Variants in PTGDS observed in about 807,000 individuals in gnomAD.
The protein encoded by PTGDS is prostaglandin-H2 D-isomerase.
PTGDS carries 21 observed loss-of-function variants against 28.4 expected under a neutral mutation model. The observed-to-expected ratio is 0.74, with a 90% CI of 0.52 to 1.07. PTGDS has a LOEUF of 1.07. Among genes scored for constraint, PTGDS ranks in the 50% least tolerant of loss-of-function variants. The pLI is 0.00. For missense variants in PTGDS, 243 were observed against 247.7 expected, an observed-to-expected ratio of 0.98 and a Z score of 0.13; for synonymous variants, 102 against 106.0, an observed-to-expected ratio of 0.96 and a Z score of 0.23.
At position 136,979,371 on chromosome 9, in the gene PTGDS, C is replaced by T. The variant is rs539968311; in HGVS notation, c.331+72C>T. The T allele has an allele frequency of 1.1e-5, 18 of 1,579,724 alleles. No homozygotes were observed. The African/African-American group carries it at 1.9e-4, about 17-fold the overall frequency. ...ACTTGCCGGGACGACTCTGGGCCAG[C>T]CCCCTGCCGCGGAGATCCATGGGGT... On this transcript the variant is annotated intron_variant, in intron 3 of 6. Transcript: ENST00000371625.
intron 1 of PTGDS, 172 bp from the exon 2 acceptor site, chr9:136,978,821 C>G (rs981098264): frequency 1.7e-6 from 1 of 586,208 alleles, no homozygotes; most frequent in Non-Finnish European, 2.3e-6. Flanking sequence ...GATTGAGGGG[C>G]GGGGGTCAGT....
intron 1 of PTGDS, among the ~76,000 whole-genome samples, chr9:136,978,088 G>A (rs1476745024): frequency 6.6e-6 from 1 of 152,174 alleles, no homozygotes; most frequent in Non-Finnish European, 1.5e-5. Context: ...TGGGGGTTGG[G>A]AGGGACGCGC....
intron 5 of PTGDS, chr9:136,980,592 C>A (rs1830436760): frequency 2.2e-5 from 31 of 1,417,998 alleles, no homozygotes; most frequent in Non-Finnish European, 2.9e-5. Context: ...TACAGGGGAA[C>A]CAACCATACT....
intron 4 of PTGDS, 45 bp from the exon 5 acceptor site, chr9:136,980,138 A>C (rs371143827): frequency 1.1e-4 from 182 of 1,609,722 alleles, no homozygotes; most frequent in Admixed American, 2.0e-4. Context: ...CAGGGCACAC[A>C]GCATCCCCCC....
At chr9:136,980,148 C>T (rs199978374) in intron 4 of PTGDS, 35 bp from the exon 5 acceptor site, 14 of 1,611,360 alleles carry the variant, frequency 8.7e-6, no homozygotes, top group Non-Finnish European at 1.2e-5. Flanking sequence ...AGCATCCCCC[C>T]CGCTGAGGCC....
In PTGDS at chr9:136,981,562, T is replaced by A. The variant is rs1394818725; in HGVS notation, c.*1-17T>A. ...GACTGCAGTCCTCCATCCTAGCCTT[T>A]CGGTCACACCCCTCAGGACTCCCCA... On this transcript the variant is annotated splice_polypyrimidine_tract_variant and intron_variant, in intron 6 of 6. Transcript: ENST00000371625. 6.6e-6 allele frequency: 1 copy of A among 152,362 alleles called. No individual in the cohort carries two copies. Among genetic ancestry groups the A allele is most frequent in the East Asian group, 1.9e-4 (1 of 5,200 alleles). 9.4% of individuals were successfully genotyped at this position (152,362 alleles called of 1,614,324 possible). A position where few individuals can be genotyped will look rare whatever the true frequency, so the allele number is the denominator to read the frequency against.
intron 1 of PTGDS, among the ~76,000 whole-genome samples, chr9:136,978,466 G>T (rs946477894): frequency 2.8e-5 from 4 of 145,156 alleles, no homozygotes; most frequent in East Asian, 2.1e-4. Context: ...GCCATCTCCG[G>T]GGGAGGGGGA....
intron 1 of PTGDS, 69 bp from the exon 2 acceptor site, chr9:136,978,924 G>A: frequency 6.3e-7 from 1 of 1,575,360 alleles, no homozygotes; most frequent in Non-Finnish European, 8.6e-7. Flanking sequence ...CGGCAGAGGC[G>A]CCCCCGCAGG....
Position 136,980,217 on chromosome 9 carries a change from G to A in PTGDS, c.483G>A (p.Glu161=). Residue 161 remains glutamate, a synonymous_variant, in exon 5 of 7, where the codon GAG becomes GAA. Transcript: ENST00000371625. The stretch of plus-strand genomic sequence containing the variant: ...AGACCCCCAGGGCTGAGTTAAAGGA[G>A]AAATTCACCGCCTTCTGCAAGGCCC... ...RTQTPRAELK[E]KFTAFCKAQG... The A allele has an allele frequency of 6.2e-7, 1 of 1,614,084 alleles. No individual in the cohort carries two copies. The highest frequency in any genetic ancestry group is 8.5e-7 in the Non-Finnish European group (1 of 1,180,008).
At chr9:136,978,676 G>T in intron 1 of PTGDS, 2 of 330,004 alleles carry the variant, frequency 6.1e-6, no homozygotes, top group Non-Finnish European at 1.2e-5. Context: ...CTCTTGGGGC[G>T]GGGTCGTGAG....
chr9:136,980,997 C>T (rs1000092726), intron 6 of PTGDS, 142 bp downstream of exon 6: 1 of 1,266,970 alleles, frequency 7.9e-7, no homozygotes, highest in Non-Finnish European at 1.1e-6. Context: ...TGGCTGCAGT[C>T]CAGGGCCGGG....
At position 136,980,198 on chromosome 9, in the gene PTGDS, C is replaced by G. The variant is rs374596572; in HGVS notation, c.464C>G (p.Pro155Arg). 1.2e-6 allele frequency: 2 copies of G among 1,613,976 alleles called. No individual in the cohort carries two copies. The highest frequency in any genetic ancestry group is 1.7e-6 in the Non-Finnish European group (2 of 1,179,992). The change falls in exon 5 of 7, where the codon CCC becomes CGC. Residue 155 changes from proline to arginine, a missense_variant. By Grantham distance (103) the Pro-to-Arg change is moderately radical (BLOSUM62 -2). Transcript: ENST00000371625. ...MATLYSRTQT[P>R]RAELKEKFTA... ...CCTGTCCCAGGCCGAACCCAGACCC[C>G]CAGGGCTGAGTTAAAGGAGAAATTC...
At chr9:136,980,132 G>T (rs1262307750) in intron 4 of PTGDS, 51 bp from the exon 5 acceptor site, 1 of 1,608,636 alleles carries the variant, frequency 6.2e-7, no homozygotes, top group South Asian at 1.1e-5. Flanking sequence ...CCAGGGCAGG[G>T]CACACAGCAT....
intron 1 of PTGDS, 177 bp from the exon 2 acceptor site, chr9:136,978,816 A>AG: frequency 1.9e-6 from 1 of 516,632 alleles, no homozygotes; most frequent in East Asian, 4.4e-5. Flanking sequence ...GCGGGGATTG[A>AG]GGGGCGGGGG....
intron 3 of PTGDS, chr9:136,979,617 C>T (rs1184933081): frequency 4.3e-6 from 3 of 695,132 alleles, no homozygotes; most frequent in South Asian, 1.9e-5. Flanking sequence ...AATTCTCCTC[C>T]CCAGGACCCA....
intron 1 of PTGDS, 177 bp from the exon 2 acceptor site, chr9:136,978,816 A>AGGGGCGGGGGTCAGTTCCT: frequency 1.9e-6 from 1 of 516,632 alleles, no homozygotes; most frequent in Non-Finnish European, 2.7e-6. Context: ...GCGGGGATTG[A>AGGGGCGGGGGTCAGTTCCT]GGGGCGGGGG....
intron 1 of PTGDS, among the ~76,000 whole-genome samples, chr9:136,978,377 T>C (rs974159901): frequency 1.3e-5 from 2 of 149,100 alleles, no homozygotes; most frequent in Non-Finnish European, 3.0e-5. Flanking sequence ...GGGACTGTCC[T>C]CGGGAGGGGC....
chr9:136,979,818 G>A lies in PTGDS; in HGVS notation c.332-128G>A, dbSNP rs556902486. 1.6e-3 allele frequency: 1,426 copies of A among 883,688 alleles called. 2 individuals carry two copies. The highest frequency in any genetic ancestry group is 1.9e-3 in the Non-Finnish European group (1,018 of 526,524). 54.7% of individuals were successfully genotyped at this position (883,688 alleles called of 1,614,324 possible). A position where few individuals can be genotyped will look rare whatever the true frequency, so the allele number is the denominator to read the frequency against. ...AGGGCACTGGCTGGAGAGCAGCCGG[G>A]TGGGGGAGCATCCCGGGCCAGCCGA... On this transcript the variant is annotated intron_variant, in intron 3 of 6. Coordinates refer to ENST00000371625, the MANE Select transcript of PTGDS (RefSeq NM_000954.6).
Position 136,977,901 on chromosome 9 carries a change from C to T in PTGDS, c.114+209C>T, listed in dbSNP as rs554233627. 1.2e-4 allele frequency among the ~76,000 whole-genome samples: 18 copies of T among 152,276 alleles called. No individual in the cohort carries two copies. The South Asian group carries it at 1.7e-3, about 14-fold the overall frequency. ...AGAAGCCCTCCCTGGGCACCGCGTC[C>T]CGTCTCCCCTGATGGGCCACGCAGA... is the stretch of plus-strand genomic sequence containing the variant. On this transcript the variant is annotated intron_variant, in intron 1 of 6. Coordinates refer to ENST00000371625, the MANE Select transcript of PTGDS (RefSeq NM_000954.6).
Sources: allele counts gnomAD v4.1 joint callset (sites outside exome capture counted in the v4.1 genomes callset), GRCh38; gene constraint gnomAD v4.1.1; transcripts MANE v1.5; gene names NCBI Gene and HGNC (gene_info 2026-07-23, HGNC 2026-07-21).